The following RNGTT variants were observed in gnomAD, a reference collection of about 807,000 sequenced individuals.
The protein encoded by RNGTT is RNA guanylyltransferase and 5'-phosphatase.
Under a neutral mutation model 79.3 loss-of-function variants are expected in RNGTT, and 33 were observed. That is an observed-to-expected ratio of 0.42 (90% CI 0.32 to 0.56). RNGTT has a LOEUF of 0.56. Ranked by LOEUF, RNGTT falls within the 20% of genes least tolerant of loss-of-function variation. The pLI, the probability that RNGTT is intolerant of heterozygous loss-of-function variation, is 0.17. For synonymous variants in RNGTT, 222 were observed against 235.9 expected (o/e 0.94, Z 0.54); for missense variants, 497 against 739.1 (o/e 0.67, Z 3.80).
At chr6:88,836,544 C>T (rs1321900514) in intron 11 of RNGTT, among the ~76,000 whole-genome samples, 1 of 152,050 alleles carries the variant, frequency 6.6e-6, no homozygotes, top group African/African-American at 2.4e-5. Context: ...GAGTTCAAGA[C>T]CAGCCAGGGG....
intron 12 of RNGTT, among the ~76,000 whole-genome samples, chr6:88,781,784 T>C (rs960184320): frequency 3.9e-5 from 6 of 152,254 alleles, no homozygotes; most frequent in East Asian, 3.9e-4. Flanking sequence ...TCCATTCTGA[T>C]TTCCATTTCT....
chr6:88,741,515 C>T (rs547432999), intron 13 of RNGTT, among the ~76,000 whole-genome samples: 67 of 152,226 alleles, frequency 4.4e-4, no homozygotes, highest in African/African-American at 1.5e-3. Flanking sequence ...ATCAATTATA[C>T]CCCAAACCTC....
chr6:88,623,830 A>G (rs73752977), intron 14 of RNGTT, among the ~76,000 whole-genome samples: 3,476 of 152,184 alleles, frequency 0.023, 120 homozygotes, highest in African/African-American at 0.079. Context: ...AAGGATATAC[A>G]AAGAGGCTCC....
chr6:88,646,319 C>T lies in RNGTT; in HGVS notation c.1507-31924G>A, dbSNP rs577199630. Reference sequence around the variant, plus strand: ...TATCATCTCACACCAGTTAGAATGGCGATCATTAAAAAGTCAGGAAACAAT... The same window carrying T: ...TATCATCTCACACCAGTTAGAATGGTGATCATTAAAAAGTCAGGAAACAAT... On this transcript the variant is annotated intron_variant, in intron 14 of 15. Transcript: ENST00000369485. Among the ~76,000 whole-genome samples the T allele has an allele frequency of 9.9e-5, 15 of 152,210 alleles. No individual in the cohort carries two copies. In the South Asian group the frequency reaches 2.3e-3, roughly 23 times the overall value.
At chr6:88,724,729 C>T (rs1416936178) in intron 13 of RNGTT, among the ~76,000 whole-genome samples, 1 of 152,200 alleles carries the variant, frequency 6.6e-6, no homozygotes, top group African/African-American at 2.4e-5. Context: ...TCAGTATGTT[C>T]AATTCCTCGT....
chr6:88,634,880 A>G (rs1473701102), intron 14 of RNGTT, among the ~76,000 whole-genome samples: 2 of 152,140 alleles, frequency 1.3e-5, no homozygotes, highest in Admixed American at 6.6e-5. Flanking sequence ...AAACAAGGTT[A>G]AAATGAAGTA....
At chr6:88,878,564 C>T (rs1236389862) in intron 8 of RNGTT, among the ~76,000 whole-genome samples, 2 of 152,024 alleles carry the variant, frequency 1.3e-5, no homozygotes, top group Non-Finnish European at 2.9e-5. Context: ...AGTAAAAGTC[C>T]TTCCCAGACA....
At chr6:88,725,102 C>T (rs550938331) in intron 13 of RNGTT, among the ~76,000 whole-genome samples, 4 of 152,284 alleles carry the variant, frequency 2.6e-5, no homozygotes, top group South Asian at 4.2e-4. Context: ...TTTTGTGGCA[C>T]CAAAACTTCA....
chr6:88,906,340 T>C, intron 5 of RNGTT, 25 bp downstream of exon 5: 1 of 1,447,292 alleles, frequency 6.9e-7, no homozygotes, highest in Non-Finnish European at 9.5e-7. Flanking sequence ...AAAATACATC[T>C]TCCATTATAA....
Position 88,902,821 on chromosome 6 carries a change from G to A in RNGTT, c.684+1894C>T, listed in dbSNP as rs552869528. 3.4e-3 allele frequency among the ~76,000 whole-genome samples: 503 copies of A among 146,706 alleles called. 2 individuals are homozygous for A. The highest frequency in any genetic ancestry group is 5.2e-3 in the Non-Finnish European group (350 of 67,176). ...AGCCATTCTCCTGCCTCGGCCTCCC[G>A]AGTAGCTGGGACTACAGGCACCCGC... On this transcript the variant is annotated intron_variant, in intron 6 of 15. Transcript: ENST00000369485.
rs1010054968 is a variant in RNGTT at position 88,849,788 on chromosome 6, A to C, written c.1071T>G (p.Pro357=). 3.2e-6 allele frequency: 5 copies of C among 1,571,848 alleles called. No individual in the cohort carries two copies. Among genetic ancestry groups the C allele is most frequent in the Non-Finnish European group, 4.3e-6 (5 of 1,159,666 alleles). The part of the protein sequence containing the change: ...IIDRVNGQAV[P]RYLIYDIIKF... ...TAATTATGTCATATATCAAATATCT[A>C]GGAACAGCCTGTCCATTTACTCTGT... Residue 357 remains proline, a synonymous_variant, in exon 10 of 16, where the codon CCT becomes CCG. Transcript: ENST00000369485.
chr6:88,772,563 A>G (rs1375183799), intron 12 of RNGTT, among the ~76,000 whole-genome samples: 1 of 152,120 alleles, frequency 6.6e-6, no homozygotes, highest in East Asian at 1.9e-4. Context: ...AAATTTTCGC[A>G]ACCTATTCAT....
intron 8 of RNGTT, among the ~76,000 whole-genome samples, chr6:88,877,146 C>A (rs1376328639): frequency 2.6e-5 from 4 of 152,142 alleles, no homozygotes; most frequent in Non-Finnish European, 4.4e-5. Context: ...CTATACCACA[C>A]CCTAAAAGAA....
At chr6:88,922,428 C>T (rs1305540412) in intron 4 of RNGTT, among the ~76,000 whole-genome samples, 1 of 152,046 alleles carries the variant, frequency 6.6e-6, no homozygotes, top group Admixed American at 6.5e-5. Flanking sequence ...CTCTGGGTTT[C>T]ATATGATTAC....
intron 13 of RNGTT, among the ~76,000 whole-genome samples, chr6:88,717,910 A>G (rs1776575574): frequency 6.6e-6 from 1 of 152,130 alleles, no homozygotes; most frequent in African/African-American, 2.4e-5. Flanking sequence ...GGGTAGAAAC[A>G]GAGAAGGCTG....
intron 8 of RNGTT, among the ~76,000 whole-genome samples, chr6:88,866,428 C>CA (rs1254594923): frequency 6.6e-6 from 1 of 152,032 alleles, no homozygotes; most frequent in Non-Finnish European, 1.5e-5. Context: ...ACCAAAGACA[C>CA]AAAAAACTAG....
chr6:88,930,308 C>A (rs1296246526), intron 2 of RNGTT, among the ~76,000 whole-genome samples: 3 of 150,328 alleles, frequency 2.0e-5, no homozygotes, highest in Non-Finnish European at 3.0e-5. Context: ...TATACTGAAG[C>A]CTCAAGTTAC....
At chr6:88,637,413 G>A (rs555987634) in intron 14 of RNGTT, among the ~76,000 whole-genome samples, 1 of 152,112 alleles carries the variant, frequency 6.6e-6, no homozygotes, top group East Asian at 1.9e-4. Flanking sequence ...GAAAAGGCTG[G>A]CTTTTCCATG....
At chr6:88,639,982 A>C (rs1398236499) in intron 14 of RNGTT, among the ~76,000 whole-genome samples, 1 of 152,076 alleles carries the variant, frequency 6.6e-6, no homozygotes, top group African/African-American at 2.4e-5. Context: ...GCCTTCTGTG[A>C]CTCATTAGAC....
Sources: gnomAD v4.1 joint callset for allele counts (sites outside exome capture counted in the v4.1 genomes callset) on GRCh38, gnomAD v4.1.1 for gene constraint, MANE v1.5 for transcripts, NCBI Gene and HGNC (gene_info 2026-07-23, HGNC 2026-07-21) for gene names.